Variants in TTLL7 observed in about 807,000 individuals in gnomAD.
TTLL7 encodes the protein tubulin polyglutamylase TTLL7.
In TTLL7, 53 loss-of-function variants were observed where a neutral mutation model predicts 120.2. The observed-to-expected ratio is 0.44, with a 90% CI of 0.35 to 0.55. The LOEUF (loss-of-function observed/expected upper bound fraction) is 0.55. Ranked by LOEUF, TTLL7 falls within the 20% of genes least tolerant of loss-of-function variation. The pLI is 0.00. For synonymous variants in TTLL7, 353 were observed against 351.7 expected (o/e 1.00, Z -0.04); for missense variants, 803 against 1,054.7 (o/e 0.76, Z 3.31).
intron 10 of TTLL7, among the ~76,000 whole-genome samples, chr1:83,928,160 A>G (rs964721652): frequency 6.6e-6 from 1 of 152,188 alleles, no homozygotes; most frequent in Non-Finnish European, 1.5e-5. Context: ...ACACACAACA[A>G]AAAAACTAAA....
chr1:83,952,294 A>T lies in TTLL7; in HGVS notation c.-83T>A. On this transcript the variant is annotated 5_prime_UTR_variant, in exon 2 of 21. Transcript: ENST00000260505. ...CTGGAAATTCCACATTAGTCTAAGT[A>T]GGATATGGCCCCAAATCACTGAAAG... is the stretch of plus-strand genomic sequence containing the variant. 6.9e-7 allele frequency: 1 copy of T among 1,443,076 alleles called. No homozygotes were observed. The highest frequency in any genetic ancestry group is 9.6e-7 in the Non-Finnish European group (1 of 1,037,352). 89.4% of individuals were successfully genotyped at this position (1,443,076 alleles called of 1,614,324 possible). A position where few individuals can be genotyped will look rare whatever the true frequency, so the allele number is the denominator to read the frequency against.
chr1:83,991,935 T>C (rs1400214868), intron 1 of TTLL7, among the ~76,000 whole-genome samples: 1 of 152,068 alleles, frequency 6.6e-6, no homozygotes. Flanking sequence ...AAAACAAAAT[T>C]CACAGATACT....
intron 1 of TTLL7, among the ~76,000 whole-genome samples, chr1:83,959,469 T>C (rs1318215974): frequency 2.6e-5 from 4 of 152,188 alleles, no homozygotes; most frequent in Non-Finnish European, 5.9e-5. Context: ...TTTTTCATAA[T>C]CTGCTTTGGA....
chr1:83,918,777 TA>T (rs1234301164), intron 13 of TTLL7, among the ~76,000 whole-genome samples: 1 of 152,096 alleles, frequency 6.6e-6, no homozygotes, highest in Non-Finnish European at 1.5e-5. Flanking sequence ...GTAAAGAAAC[TA>T]AATTCCAAAG....
intron 19 of TTLL7, 136 bp downstream of exon 19, chr1:83,890,185 G>A: frequency 1.2e-6 from 1 of 822,598 alleles, no homozygotes; most frequent in Non-Finnish European, 1.9e-6. Context: ...ATAAATTATA[G>A]TTGAGTACTA....
intron 18 of TTLL7, among the ~76,000 whole-genome samples, chr1:83,898,345 C>T (rs1557585022): frequency 6.6e-6 from 1 of 151,968 alleles, no homozygotes; most frequent in Non-Finnish European, 1.5e-5. Flanking sequence ...CCTTCTAAGG[C>T]TAGAGTACAT....
At chr1:83,876,887 C>T (rs1653976683) in intron 20 of TTLL7, among the ~76,000 whole-genome samples, 1 of 151,832 alleles carries the variant, frequency 6.6e-6, no homozygotes, top group African/African-American at 2.4e-5. Context: ...AAACCTAATG[C>T]CTTTTATTTC....
intron 6 of TTLL7, among the ~76,000 whole-genome samples, chr1:83,945,609 C>T (rs954584947): frequency 4.6e-5 from 7 of 152,100 alleles, no homozygotes; most frequent in African/African-American, 1.4e-4. Flanking sequence ...GTGTTCTTTA[C>T]GTAGGTACTA....
At chr1:83,878,504 ACTC>A (rs544379531) in intron 20 of TTLL7, among the ~76,000 whole-genome samples, 3 of 151,884 alleles carry the variant, frequency 2.0e-5, no homozygotes, top group Non-Finnish European at 2.9e-5. Context: ...CAGGCCCTGA[ACTC>A]CTATTTTATC....
chr1:83,878,752 T>C (rs957567027), intron 20 of TTLL7, among the ~76,000 whole-genome samples: 4 of 152,020 alleles, frequency 2.6e-5, no homozygotes, highest in Admixed American at 1.3e-4. Flanking sequence ...AATGAGCTTA[T>C]ATGAAAGCTC....
At chr1:83,967,431 C>T (rs1650570870) in intron 1 of TTLL7, among the ~76,000 whole-genome samples, 1 of 152,088 alleles carries the variant, frequency 6.6e-6, no homozygotes, top group Non-Finnish European at 1.5e-5. Context: ...TTGGTCAGGG[C>T]TGAGAATCTT....
At chr1:83,948,196 C>CAT (rs1648700343) in intron 5 of TTLL7, among the ~76,000 whole-genome samples, 2 of 151,700 alleles carry the variant, frequency 1.3e-5, no homozygotes, top group African/African-American at 4.8e-5. Flanking sequence ...CACACACACA[C>CAT]ACACACACAC....
At chr1:83,963,064 T>C (rs1650146851) in intron 1 of TTLL7, among the ~76,000 whole-genome samples, 1 of 152,186 alleles carries the variant, frequency 6.6e-6, no homozygotes, top group African/African-American at 2.4e-5. Context: ...AGCCTGCTTT[T>C]ACCTATTTTC....
intron 1 of TTLL7, among the ~76,000 whole-genome samples, chr1:83,997,180 TG>T (rs1327104203): frequency 2.0e-5 from 3 of 152,166 alleles, no homozygotes; most frequent in Non-Finnish European, 4.4e-5. Context: ...CCAATGCAAA[TG>T]GTTCAATACT....
chr1:83,922,189 C>T (rs1658730429), intron 10 of TTLL7, among the ~76,000 whole-genome samples: 1 of 151,764 alleles, frequency 6.6e-6, no homozygotes, highest in Admixed American at 6.6e-5. Flanking sequence ...CCAATTCTGA[C>T]CCCACCTTTA....
intron 1 of TTLL7, among the ~76,000 whole-genome samples, chr1:83,964,962 GA>G (rs1221603833): frequency 1.3e-5 from 2 of 151,650 alleles, no homozygotes; most frequent in African/African-American, 2.4e-5. Context: ...AGTCTTACTA[GA>G]AAAAAAATGT....
At chr1:83,874,720 G>A (rs573429876) in intron 20 of TTLL7, among the ~76,000 whole-genome samples, 1 of 151,822 alleles carries the variant, frequency 6.6e-6, no homozygotes, top group Non-Finnish European at 1.5e-5. Flanking sequence ...AATTTTTTGG[G>A]GGGAAAAGCC....
chr1:83,873,563 C>A (rs1306852537), intron 20 of TTLL7, among the ~76,000 whole-genome samples: 2 of 152,142 alleles, frequency 1.3e-5, no homozygotes, highest in Non-Finnish European at 2.9e-5. Context: ...ATTGCTAACT[C>A]GTGCCAAGGA....
chr1:83,983,801 T>C (rs938224364), intron 1 of TTLL7: 1 of 152,090 alleles, frequency 6.6e-6, no homozygotes, highest in African/African-American at 2.4e-5. Context: ...TGTTAAAAAA[T>C]GGGCAAAAGG....
Sources: gnomAD v4.1 joint callset for allele counts (sites outside exome capture counted in the v4.1 genomes callset) on GRCh38, gnomAD v4.1.1 for gene constraint, MANE v1.5 for transcripts, NCBI Gene and HGNC (gene_info 2026-07-23, HGNC 2026-07-21) for gene names.